Variants in SP140 observed in about 807,000 individuals in gnomAD.
SP140 encodes the protein nuclear body protein SP140.
Under a neutral mutation model 125.0 loss-of-function variants are expected in SP140, and 81 were observed. That is an observed-to-expected ratio of 0.65 (90% CI 0.54 to 0.78). The LOEUF (loss-of-function observed/expected upper bound fraction) is 0.78. Among genes scored for constraint, SP140 ranks in the 30% least tolerant of loss-of-function variants. The pLI is 0.00. For synonymous variants in SP140, 312 were observed against 354.0 expected, an observed-to-expected ratio of 0.88 and a Z score of 1.33; for missense variants, 858 against 1,037.0, an observed-to-expected ratio of 0.83 and a Z score of 2.37.
At chr2:230,193,215 C>T in the SP140 span, among the ~76,000 whole-genome samples, 1 of 152,118 alleles carries the variant, frequency 6.6e-6, no homozygotes, top group Non-Finnish European at 1.5e-5. Context: ...TATCTTTTTT[C>T]ACCCTTATAC....
At chr2:230,209,800 G>T in intron 1 of SP140, 1 of 722,976 alleles carries the variant, frequency 1.4e-6, no homozygotes, top group Admixed American at 2.0e-5. Context: ...AATGGAAACT[G>T]CAGAAACGAA....
chr2:230,256,564 C>G (rs2051249216), intron 12 of SP140, among the ~76,000 whole-genome samples: 1 of 151,820 alleles, frequency 6.6e-6, no homozygotes, highest in Non-Finnish European at 1.5e-5. Context: ...GGAGATATAC[C>G]TAACGTAAAT....
intron 22 of SP140, among the ~76,000 whole-genome samples, chr2:230,309,668 A>G (rs1204229574): frequency 6.6e-6 from 1 of 152,248 alleles, no homozygotes; most frequent in Non-Finnish European, 1.5e-5. Context: ...CTTTGTTGCT[A>G]GTCTTTCTTC....
chr2:230,252,791 C>T (rs2149236100), intron 10 of SP140, among the ~76,000 whole-genome samples: 1 of 149,622 alleles, frequency 6.7e-6, no homozygotes, highest in East Asian at 1.9e-4. Context: ...GGATGTGTCA[C>T]TGGGTGATGG....
Position 230,243,589 on chromosome 2 carries a change from G to C in SP140, c.491-142G>C, listed in dbSNP as rs969457230. On this transcript the variant is annotated intron_variant, in intron 4 of 26. Coordinates refer to ENST00000392045, the MANE Select transcript of SP140 (RefSeq NM_007237.5). ...CTCTGGTGAAGGTTACTGAAGGACT[G>C]AATCCTCAGGTCAGGTTGTTTGGGG... 6.4e-6 allele frequency: 4 copies of C among 629,910 alleles called. No individual in the cohort carries two copies. The African/African-American group carries it at 7.3e-5, about 12-fold the overall frequency. The allele number at this position is 629,910 out of a possible 1,614,324, so 39.0% of individuals were successfully genotyped here. A position where few individuals can be genotyped will look rare whatever the true frequency, so the allele number is the denominator to read the frequency against.
chr2:230,299,230 CAA>C (rs1446851882), intron 22 of SP140, among the ~76,000 whole-genome samples: 1 of 152,128 alleles, frequency 6.6e-6, no homozygotes, highest in Non-Finnish European at 1.5e-5. Flanking sequence ...CTTGCCACCG[CAA>C]ACTCTGGGAG....
chr2:230,315,219 A>T (rs2059476809), downstream of SP140, among the ~76,000 whole-genome samples: 1 of 152,248 alleles, frequency 6.6e-6, no homozygotes, highest in Non-Finnish European at 1.5e-5. Context: ...AATGGAATCC[A>T]GAACCCATGA....
upstream of SP140, among the ~76,000 whole-genome samples, chr2:230,223,403 G>A (rs968540660): frequency 1.3e-5 from 2 of 152,158 alleles, no homozygotes; most frequent in Non-Finnish European, 2.9e-5. Flanking sequence ...CAAAGGGCAA[G>A]TGAGTCAATA....
intron 22 of SP140, among the ~76,000 whole-genome samples, 188 bp downstream of exon 22, chr2:230,297,650 C>T (rs1033413231): frequency 6.6e-6 from 1 of 152,204 alleles, no homozygotes; most frequent in Non-Finnish European, 1.5e-5. Flanking sequence ...ATTATGAAAG[C>T]ACCCTTTCCA....
At chr2:230,290,384 T>C in intron 18 of SP140, 76 bp from the exon 19 acceptor site, 1 of 1,312,288 alleles carries the variant, frequency 7.6e-7, no homozygotes, top group Non-Finnish European at 1.1e-6. Context: ...CTCGTGTCTT[T>C]ATAGGAATTA....
chr2:230,212,823 G>C (rs1405387856), intron 1 of SP140: 34 of 1,614,076 alleles, frequency 2.1e-5, no homozygotes, highest in Non-Finnish European at 2.9e-5. Context: ...AGATGGGCTG[G>C]GCGACTCACT....
In SP140 at chr2:230,287,940, C is replaced by A. The variant is rs2056600954; in HGVS notation, c.1694C>A (p.Ala565Asp). ...ACCCGCTTCACTCAGAGTGACAGAG[C>A]TGCACAGAAAAGAGTCCGATCAAGA... ...PGTRFTQSDR[A>D]AQKRVRSRAS... The change falls in exon 18 of 27, where the codon GCT becomes GAT. Residue 565 changes from alanine to aspartate, a missense_variant. Coordinates refer to ENST00000392045, the MANE Select transcript of SP140 (RefSeq NM_007237.5). 6.2e-7 allele frequency: 1 copy of A among 1,612,448 alleles called. No homozygotes were observed. Among genetic ancestry groups the A allele is most frequent in the Non-Finnish European group, 8.5e-7 (1 of 1,179,624 alleles).
At chr2:230,316,308 CT>C (rs11286579), downstream of SP140, among the ~76,000 whole-genome samples, 35,944 of 151,908 alleles carry the variant, frequency 0.24, 5,265 homozygotes, top group African/African-American at 0.42. Flanking sequence ...AGTGTATCCC[CT>C]CCAAAGCTCC....
intron 3 of SP140, among the ~76,000 whole-genome samples, chr2:230,215,888 G>C (rs919053825): frequency 6.6e-6 from 1 of 152,170 alleles, no homozygotes; most frequent in African/African-American, 2.4e-5. Context: ...TAACTAAGGG[G>C]TCTTCATGAG....
chr2:230,224,198 C>A (rs1017785558), upstream of SP140, among the ~76,000 whole-genome samples: 3 of 152,196 alleles, frequency 2.0e-5, no homozygotes, highest in African/African-American at 7.2e-5. Context: ...CTGAGGAACA[C>A]CAATGGCCTT....
At chr2:230,216,441 T>C (rs149641301) in intron 3 of SP140, among the ~76,000 whole-genome samples, 14 of 152,316 alleles carry the variant, frequency 9.2e-5, no homozygotes, top group African/African-American at 2.6e-4. Context: ...AGCTAGGAGA[T>C]AGGCAGCTAT....
At chr2:230,199,157 T>A (rs201487627), upstream of SP140, among the ~76,000 whole-genome samples, 22,147 of 146,340 alleles carry the variant, frequency 0.15, 2,049 homozygotes, top group South Asian at 0.26. Context: ...TATTTTTTTT[T>A]TTTTTTAGTG....
chr2:230,221,781 A>C (rs1038240705), upstream of SP140: 1 of 1,469,934 alleles, frequency 6.8e-7, no homozygotes, highest in Non-Finnish European at 9.2e-7. Flanking sequence ...TTCTTCCTTT[A>C]GATCTATTCA....
At chr2:230,189,878 A>G in the SP140 span, among the ~76,000 whole-genome samples, 1 of 152,176 alleles carries the variant, frequency 6.6e-6, no homozygotes, top group African/African-American at 2.4e-5. Flanking sequence ...TGATCTTATT[A>G]CTTTTTATGG....
Sources: allele counts gnomAD v4.1 joint callset (sites outside exome capture counted in the v4.1 genomes callset), GRCh38; gene constraint gnomAD v4.1.1; transcripts MANE v1.5; gene names NCBI Gene and HGNC (gene_info 2026-07-23, HGNC 2026-07-21).